TNXB: variants seen among roughly 807,000 people sequenced by gnomAD.
TNXB encodes tenascin-X.
Under a neutral mutation model 340.5 loss-of-function variants are expected in TNXB, and 183 were observed. The observed-to-expected ratio is 0.54, with a 90% confidence interval of 0.48 to 0.61. The LOEUF is 0.61. Ranked by LOEUF, TNXB falls within the 20% of genes least tolerant of loss-of-function variation. TNXB has a pLI of 0.00. For synonymous variants in TNXB, 2,121 were observed against 2,314.5 expected (o/e 0.92, Z 2.40); for missense variants, 4,613 against 5,446.4 (o/e 0.85, Z 4.82).
Position 32,068,726 on chromosome 6 carries a change from A to G in TNXB, c.5903-19T>C. 1 of 1,609,010 alleles carries G rather than the reference A, an allele frequency of 6.2e-7. No homozygotes were observed. The highest frequency in any genetic ancestry group is 8.5e-7 in the Non-Finnish European group (1 of 1,176,388). On this transcript the variant is annotated intron_variant, in intron 16 of 43. Coordinates refer to ENST00000644971, the MANE Select transcript of TNXB (RefSeq NM_001365276.2). The surrounding 1 kb of genome is among the most constrained non-coding windows in gnomAD (Gnocchi z 5.3). ...TCCGGGACTGGACAGAGACATGGAA[A>G]GAGAGGACTGAGGTGGGCAGGGTAT... is the stretch of plus-strand genomic sequence containing the variant.
rs773702073 is a variant in TNXB, at chr6:32,056,665, T to C, written c.8064A>G (p.Pro2688=). The part of the protein sequence containing the change: ...EDGVTISGLE[P]DHKYKMNLYG... The stretch of plus-strand genomic sequence containing the variant: ...ACAGGTTCATCTTGTATTTATGGTC[T>C]GGCTCCAGGCCTGAGATGGTGACCC... The change falls in exon 23 of 44, where the codon CCA becomes CCG. Residue 2688 remains proline (P), a synonymous_variant. Coordinates refer to ENST00000644971, the MANE Select transcript of TNXB (RefSeq NM_001365276.2). The C allele has an allele frequency of 5.0e-6, 8 of 1,613,138 alleles. No homozygotes were observed. The Admixed American group carries it at 1.2e-4, about 24-fold the overall frequency.
Position 32,058,203 on chromosome 6 carries a change from G to A in TNXB, c.7680C>T (p.Asp2560=), listed in dbSNP as rs12196385. Residue 2560 remains aspartate (D), a synonymous_variant, in exon 22 of 44, where the codon GAC becomes GAT. Transcript: ENST00000644971. This position sits in a 1 kb window ranked among gnomAD's most constrained non-coding sequence, Gnocchi z 5.1. Reference sequence around the variant, plus strand: ...CAACACGCACCGCCTGGGGCCGCCCGTCCCTGTCCTTGTACTGCACGGTGA... The same window carrying A: ...CAACACGCACCGCCTGGGGCCGCCCATCCCTGTCCTTGTACTGCACGGTGA... The part of the protein sequence containing the change: ...DSFTVQYKDR[D]GRPQAVRVGG... The A allele has an allele frequency of 0.088, 142,451 of 1,612,278 alleles. 7,211 individuals are homozygous for A. Among genetic ancestry groups the A allele is most frequent in the African/African-American group, 0.16 (11,824 of 74,906 alleles).
intron 43 of TNXB, 125 bp downstream of exon 43, chr6:32,041,646 G>A (rs1335285542): frequency 5.3e-6 from 6 of 1,130,452 alleles, no homozygotes; most frequent in Admixed American, 2.0e-5. Flanking sequence ...CTCCCTCTGC[G>A]AGGCTGGCAT....
rs573662713 is a variant in TNXB at position 32,050,274 on chromosome 6, G to C, written c.9163C>G (p.Pro3055Ala). The C allele has an allele frequency of 1.7e-5, 28 of 1,613,470 alleles. No individual in the cohort carries two copies. In the South Asian group the frequency reaches 2.5e-4, roughly 15 times the overall value. The change falls in exon 27 of 44, where the codon CCT (proline) becomes GCT (alanine). Residue 3055 changes from proline to alanine, a missense_variant. By Grantham distance (27) the Pro-to-Ala change is conservative (BLOSUM62 -1). Coordinates refer to ENST00000644971, the MANE Select transcript of TNXB (RefSeq NM_001365276.2). ...AGGCGAGGCTTGATGGGGGGCTCAGGGGTCATGGTAGGCACTGCTTGGGTG... is the reference window on the plus strand; with the variant it reads ...AGGCGAGGCTTGATGGGGGGCTCAGCGGTCATGGTAGGCACTGCTTGGGTG... ...ETTQAVPTMT[P>A]EPPIKPRLGE... is the part of the protein sequence containing the mutation.
Position 32,049,642 on chromosome 6 carries a change from A to T in TNXB, c.9440-55T>A, listed in dbSNP as rs1192655121. On this transcript the variant is annotated intron_variant, in intron 27 of 43. Transcript: ENST00000644971. This position sits in a 1 kb window ranked among gnomAD's most constrained non-coding sequence, Gnocchi z 4.5. ...AGGGGGATGTCCTTGGGTCCTGGGG[A>T]AAAGGAGGGAGAAGCCAAGGCTATG... The T allele has an allele frequency of 6.4e-7, 1 of 1,559,476 alleles. No individual in the cohort carries two copies. The highest frequency in any genetic ancestry group is 2.3e-5 in the East Asian group (1 of 44,222).
Position 32,068,764 on chromosome 6 carries a change from G to C in TNXB, c.5903-57C>G. The stretch of plus-strand genomic sequence containing the variant: ...GTGGGCAGGGTATCCGCGGGACTCT[G>C]CTGTCCTCTGGACTCTCCCAGCCAT... On this transcript the variant is annotated intron_variant, in intron 16 of 43. Coordinates refer to ENST00000644971, the MANE Select transcript of TNXB (RefSeq NM_001365276.2). The surrounding 1 kb of genome is among the most constrained non-coding windows in gnomAD (Gnocchi z 5.3). 1.9e-6 allele frequency: 3 copies of C among 1,595,014 alleles called. No individual in the cohort carries two copies. The highest frequency in any genetic ancestry group is 2.6e-6 in the Non-Finnish European group (3 of 1,168,758).
At position 32,062,156 on chromosome 6, in the gene TNXB, C is replaced by T; in HGVS notation, c.7168+1G>A. On this transcript the variant is annotated splice_donor_variant, in intron 20 of 43. Coordinates refer to ENST00000644971, the MANE Select transcript of TNXB (RefSeq NM_001365276.2). LOFTEE classifies it high-confidence loss of function. The surrounding 1 kb of genome is among the most constrained non-coding windows in gnomAD (Gnocchi z 4.3). ...CCCTGGGGCTCCCATCGTCCACTCA[C>T]CTGTCACCCCGATGGCAGACACGGG... 5 of 1,610,154 alleles carry T rather than the reference C, an allele frequency of 3.1e-6. No individual in the cohort carries two copies. Among genetic ancestry groups the T allele is most frequent in the Non-Finnish European group, 4.2e-6 (5 of 1,177,580 alleles).
intron 18 of TNXB, among the ~76,000 whole-genome samples, chr6:32,066,684 C>G (rs1046528352): frequency 1.3e-5 from 2 of 152,148 alleles, no homozygotes; most frequent in African/African-American, 4.8e-5. Context: ...GTGATGGCTG[C>G]ACAAGTAGGT....
rs59631195 is a variant in TNXB at position 32,088,573 on chromosome 6, GTAA to G, written c.2779+209_2779+211del. Among the ~76,000 whole-genome samples, 137,508 of 152,132 alleles carry G rather than the reference GTAA, an allele frequency of 0.9. 62,318 individuals are homozygous for G. Among genetic ancestry groups the G allele is most frequent in the African/African-American group, 0.97 (40,268 of 41,530 alleles). On this transcript the variant is annotated intron_variant, in intron 6 of 43. Coordinates refer to ENST00000644971, the MANE Select transcript of TNXB (RefSeq NM_001365276.2). ...GGCCATTCCTTTCATAGGCTAACCT[GTAA>G]TAACCTTCCTACAGGACTCCAGGCA...
At chr6:32,104,972 C>T (rs1367272120) in intron 1 of TNXB, among the ~76,000 whole-genome samples, 1 of 152,168 alleles carries the variant, frequency 6.6e-6, no homozygotes, top group Non-Finnish European at 1.5e-5. Flanking sequence ...TTGCCCTCTA[C>T]AGTCTCACAA....
rs1372051078 is a variant in TNXB, at chr6:32,079,206, G to A, written c.4202C>T (p.Ser1401Phe). The change falls in exon 11 of 44, where the codon TCT becomes TTT. Residue 1401 changes from serine to phenylalanine, a missense_variant. This residue lies in a region of TNXB where 4,327 missense variants were observed against 4,859.4 expected (regional missense o/e 0.89). Coordinates refer to ENST00000644971, the MANE Select transcript of TNXB (RefSeq NM_001365276.2). This position sits in a 1 kb window ranked among gnomAD's most constrained non-coding sequence, Gnocchi z 7.1. ...FWTVPQGSFDSFTVQYKDRDG... is the reference protein window; with the variant it reads ...FWTVPQGSFDFFTVQYKDRDG... The stretch of plus-strand genomic sequence containing the variant: ...CCTGTCCTTGTACTGCACGGTGAAA[G>A]AGTCGAAGCTGCCCTGGGGGACGGT... 6.2e-7 allele frequency: 1 copy of A among 1,613,774 alleles called. No homozygotes were observed. The highest frequency in any genetic ancestry group is 1.3e-5 in the African/African-American group (1 of 74,928).
In TNXB at chr6:32,065,011, G is replaced by A. The variant is rs754114569; in HGVS notation, c.6651C>T (p.Pro2217=). 18 of 1,611,512 alleles carry A rather than the reference G, an allele frequency of 1.1e-5. No homozygotes were observed. The highest frequency in any genetic ancestry group is 2.7e-5 in the African/African-American group (2 of 75,018). Residue 2217 remains proline, a synonymous_variant, in exon 19 of 44, where the codon CCC becomes CCT. Transcript: ENST00000644971. Reference sequence around the variant, plus strand: ...CCAAGAAATGGTCAAACTGGCCCTCGGGGACTGTCCAGGAGAGGCTGAGGG... The same window carrying A: ...CCAAGAAATGGTCAAACTGGCCCTCAGGGACTGTCCAGGAGAGGCTGAGGG... ...SDSLSLSWTV[P]EGQFDHFLVQ...
Position 32,062,227 on chromosome 6 carries a change from C to A in TNXB, c.7098G>T (p.Lys2366Asn). ...VTISGLEPDNKYKMNLYGFHG... is the reference protein window; with the variant it reads ...VTISGLEPDNNYKMNLYGFHG... ...GGAAGCCGTACAGGTTCATCTTGTA[C>A]TTGTTGTCTGGCTCCAGGCCGGAGA... Residue 2366 changes from lysine to asparagine, a missense_variant, in exon 20 of 44, where the codon AAG becomes AAT. Around this residue, in one of 7 missense-constraint regions of TNXB, gnomAD observed 4,327 missense variants for 4,859.4 expected, o/e 0.89. Transcript: ENST00000644971. This position sits in a 1 kb window ranked among gnomAD's most constrained non-coding sequence, Gnocchi z 4.3. 6.2e-7 allele frequency: 1 copy of A among 1,613,302 alleles called. No homozygotes were observed. The highest frequency in any genetic ancestry group is 8.5e-7 in the Non-Finnish European group (1 of 1,179,894).
At chr6:32,055,828 C>A (rs1403575976) in intron 24 of TNXB, 23 bp downstream of exon 24, 1 of 1,596,326 alleles carries the variant, frequency 6.3e-7, no homozygotes, top group Admixed American at 1.7e-5. Flanking sequence ...CTAGGGCCAT[C>A]TTCCTCACTC....
At chr6:32,091,509 C>A (rs754609699) in intron 4 of TNXB, among the ~76,000 whole-genome samples, 1 of 150,750 alleles carries the variant, frequency 6.6e-6, no homozygotes, top group Non-Finnish European at 1.5e-5. Context: ...CGGAATTTCG[C>A]TCTTGTCTCC....
chr6:32,047,958 G>A lies in TNXB; in HGVS notation c.10100C>T (p.Thr3367Ile), dbSNP rs1777003733. The change falls in exon 30 of 44, where the codon ACC (threonine) becomes ATC (isoleucine). Residue 3367 changes from threonine (T) to isoleucine (I), a missense_variant. Thr to Ile is a moderately conservative substitution (Grantham distance 89). This residue lies in a region of TNXB where 4,327 missense variants were observed against 4,859.4 expected (regional missense o/e 0.89). Coordinates refer to ENST00000644971, the MANE Select transcript of TNXB (RefSeq NM_001365276.2). This position sits in a 1 kb window ranked among gnomAD's most constrained non-coding sequence, Gnocchi z 6.2. ...RLGELTVTDA[T>I]PDSVGLSWTV... ...CCACGAGAGGCCCACGGAGTCAGGG[G>A]TCGCATCTGTCACAGTCAGCTCCCC... 1.2e-6 allele frequency: 2 copies of A among 1,612,002 alleles called. No homozygotes were observed. The highest frequency in any genetic ancestry group is 1.7e-6 in the Non-Finnish European group (2 of 1,179,452).
At chr6:32,045,978 G>A (rs976452406) in intron 31 of TNXB, 197 bp downstream of exon 31, 21 of 1,310,538 alleles carry the variant, frequency 1.6e-5, no homozygotes, top group South Asian at 1.0e-4. Flanking sequence ...TTTCCCTCCC[G>A]CCTGGCCTGG....
In TNXB at chr6:32,068,422, C is replaced by A. The variant is rs747409043; in HGVS notation, c.6188G>T (p.Arg2063Leu). ...MNLYGFHGGQ[R>L]MGPVSVVGVT... ...CCCGACGACAGACACAGGGCCCATG[C>A]GCTGGCCACCGTGGAAGCCGTACAG... Residue 2063 changes from arginine to leucine, a missense_variant, in exon 17 of 44, where the codon CGC becomes CTC. By Grantham distance (102) the Arg-to-Leu change is moderately radical. Transcript: ENST00000644971. This position sits in a 1 kb window ranked among gnomAD's most constrained non-coding sequence, Gnocchi z 5.3. 1.1e-5 allele frequency: 18 copies of A among 1,613,870 alleles called. No individual in the cohort carries two copies. Among genetic ancestry groups the A allele is most frequent in the Non-Finnish European group, 1.5e-5 (18 of 1,179,870 alleles).
chr6:32,062,434 G>A lies in TNXB; in HGVS notation c.6891C>T (p.Thr2297=). 5 of 1,612,216 alleles carry A rather than the reference G, an allele frequency of 3.1e-6. No individual in the cohort carries two copies. The highest frequency in any genetic ancestry group is 4.2e-6 in the Non-Finnish European group (5 of 1,179,216). Residue 2297 remains threonine (T), a synonymous_variant, in exon 20 of 44, where the codon ACC becomes ACT. Coordinates refer to ENST00000644971, the MANE Select transcript of TNXB (RefSeq NM_001365276.2). This position sits in a 1 kb window ranked among gnomAD's most constrained non-coding sequence, Gnocchi z 4.3. ...EMAPASTEPP[T]PEPPIKPRLE... ...GGCGAGGCTTGATGGGGGGTTCAGG[G>A]GTGGGAGGTTCTGTCGAGGCTGGGG...
Sources: allele counts gnomAD v4.1 joint callset (sites outside exome capture counted in the v4.1 genomes callset), GRCh38; gene constraint gnomAD v4.1.1; regional missense constraint gnomAD v4.1.1; non-coding constraint Gnocchi (gnomAD v3.1); transcripts MANE v1.5; gene names NCBI Gene and HGNC (gene_info 2026-07-23, HGNC 2026-07-21).